Variants in KIRREL2 observed in about 807,000 individuals in gnomAD.
KIRREL2 encodes kirre like nephrin family adhesion molecule 2, also known as kin of IRRE-like protein 2.
In KIRREL2, 56 loss-of-function variants were observed where a neutral mutation model predicts 73.4. The ratio of observed to expected loss-of-function variants is 0.76; its 90% CI spans 0.62 to 0.95. KIRREL2 has a LOEUF of 0.95. KIRREL2 is among the 40% of genes least tolerant of loss of function. The pLI is 0.00. For synonymous variants in KIRREL2, 407 were observed against 404.0 expected (o/e 1.01, Z -0.09); for missense variants, 896 against 935.0 (o/e 0.96, Z 0.54).
chr19:35,855,706 C>CACACACACACAT (rs1491182830), upstream of KIRREL2, among the ~76,000 whole-genome samples: 139 of 90,582 alleles, frequency 1.5e-3, 6 homozygotes, highest in East Asian at 0.01. Flanking sequence ...CACACACACA[C>CACACACACACAT]ATACACACAG....
upstream of KIRREL2, among the ~76,000 whole-genome samples, chr19:35,853,794 T>A (rs960833586): frequency 6.7e-6 from 1 of 150,254 alleles, no homozygotes; most frequent in Admixed American, 6.6e-5. Context: ...TGCCTCAGCC[T>A]CCTGAGTAGC....
chr19:35,851,820 C>A (rs370650840), upstream of KIRREL2: 2 of 1,552,254 alleles, frequency 1.3e-6, no homozygotes, highest in Non-Finnish European at 8.7e-7. Flanking sequence ...AAGCCCTGAG[C>A]GTCGTCCCCA....
At chr19:35,858,378 G>C (rs1481537955) in intron 2 of KIRREL2, 30 bp from the exon 3 acceptor site, 3 of 1,604,256 alleles carry the variant, frequency 1.9e-6, no homozygotes, top group Non-Finnish European at 1.7e-6. Flanking sequence ...CAGAACCATG[G>C]TGTGCTGACT....
chr19:35,859,870 C>T (rs539717291), intron 5 of KIRREL2, among the ~76,000 whole-genome samples: 2 of 152,286 alleles, frequency 1.3e-5, no homozygotes, highest in Admixed American at 6.5e-5. Flanking sequence ...CATGTCGAAA[C>T]CCCGTCTCTA....
rs760754937 is a variant in KIRREL2, at chr19:35,861,112, C to G, written c.1057-10C>G. 6 of 1,607,220 alleles carry G rather than the reference C, an allele frequency of 3.7e-6. No individual in the cohort carries two copies. In the South Asian group the frequency reaches 6.6e-5, roughly 18 times the overall value. ...CAAATCCGGCTTCTGACGCCCCTTCCCTGTCGCAGGTGCTGGGCTCTGGAG... is the reference window on the plus strand; with the variant it reads ...CAAATCCGGCTTCTGACGCCCCTTCGCTGTCGCAGGTGCTGGGCTCTGGAG... On this transcript the variant is annotated splice_polypyrimidine_tract_variant and intron_variant, in intron 8 of 14. Transcript: ENST00000360202.
chr19:35,866,114 C>T, intron 14 of KIRREL2, 43 bp from the exon 15 acceptor site: 1 of 1,576,892 alleles, frequency 6.3e-7, no homozygotes, highest in Non-Finnish European at 8.6e-7. Flanking sequence ...CTCATCCCCC[C>T]TGCACGCTCA....
intron 14 of KIRREL2, 94 bp downstream of exon 14, chr19:35,864,807 C>T (rs1474486333): frequency 3.4e-5 from 33 of 956,990 alleles, no homozygotes; most frequent in Non-Finnish European, 5.0e-5. Flanking sequence ...CTGTCCCCTC[C>T]TTTTTCCTTC....
intron 3 of KIRREL2, 33 bp downstream of exon 3, chr19:35,858,590 C>T: frequency 6.2e-7 from 1 of 1,612,756 alleles, no homozygotes; most frequent in Non-Finnish European, 8.5e-7. Flanking sequence ...CCCTGGGAGC[C>T]CAAGAGGGCA....
chr19:35,852,170 C>T (rs1012113618), upstream of KIRREL2, among the ~76,000 whole-genome samples: 14 of 150,262 alleles, frequency 9.3e-5, no homozygotes, highest in African/African-American at 3.4e-4. Flanking sequence ...TTCAAGCCAT[C>T]CTCCCACCTT....
At chr19:35,858,955 A>T in intron 4 of KIRREL2, 91 bp downstream of exon 4, 1 of 1,394,216 alleles carries the variant, frequency 7.2e-7, no homozygotes, top group East Asian at 2.3e-5. Context: ...AGAAGAAGAC[A>T]TGGGAGGGCA....
intron 14 of KIRREL2, 44 bp from the exon 15 acceptor site, chr19:35,866,113 C>A (rs779553855): frequency 1.3e-6 from 2 of 1,575,058 alleles, no homozygotes; most frequent in Non-Finnish European, 1.7e-6. Flanking sequence ...CCTCATCCCC[C>A]CTGCACGCTC....
chr19:35,863,522 G>A (rs760348533), intron 13 of KIRREL2, among the ~76,000 whole-genome samples: 27 of 149,932 alleles, frequency 1.8e-4, no homozygotes, highest in Non-Finnish European at 1.6e-4. Context: ...CTGCGATCTC[G>A]GCTCACTGCA....
At chr19:35,860,858 C>T in intron 7 of KIRREL2, 51 bp from the exon 8 acceptor site, 1 of 1,610,912 alleles carries the variant, frequency 6.2e-7, no homozygotes, top group African/African-American at 1.3e-5. Flanking sequence ...GATCCCAGGT[C>T]AGTGGCTGCA....
chr19:35,851,581 C>G (rs760073893), upstream of KIRREL2: 5 of 1,614,018 alleles, frequency 3.1e-6, no homozygotes, highest in East Asian at 1.1e-4. Context: ...CACAACGCAG[C>G]TCCACTGAGG....
intron 13 of KIRREL2, 105 bp from the exon 14 acceptor site, chr19:35,864,543 C>T (rs779019234): frequency 3.7e-4 from 312 of 851,098 alleles, no homozygotes; most frequent in Admixed American, 1.5e-3. Flanking sequence ...GGTGCTCTTA[C>T]TCCCTCCTGC....
At chr19:35,860,463 T>C in intron 6 of KIRREL2, 56 bp from the exon 7 acceptor site, 2 of 1,604,150 alleles carry the variant, frequency 1.2e-6, no homozygotes, top group Non-Finnish European at 1.7e-6. Context: ...GGCTGGGACC[T>C]GAGTAGGTGT....
At chr19:35,852,934 A>G (rs1319729500), upstream of KIRREL2, among the ~76,000 whole-genome samples, 1 of 152,062 alleles carries the variant, frequency 6.6e-6, no homozygotes. Flanking sequence ...AGCTGGTGCT[A>G]CAGGTATATA....
intron 13 of KIRREL2, among the ~76,000 whole-genome samples, chr19:35,863,604 C>G (rs1447860842): frequency 6.6e-6 from 1 of 151,884 alleles, no homozygotes; most frequent in Non-Finnish European, 1.5e-5. Flanking sequence ...AGGCGCCCAC[C>G]ACCACGCCTG....
chr19:35,865,004 GC>G (rs1480084178), intron 14 of KIRREL2, among the ~76,000 whole-genome samples: 2 of 151,828 alleles, frequency 1.3e-5, no homozygotes, highest in Non-Finnish European at 2.9e-5. Flanking sequence ...TCACGGTCAA[GC>G]CCCCTTTCAG....
Sources: gnomAD v4.1 joint callset for allele counts (sites outside exome capture counted in the v4.1 genomes callset) on GRCh38, gnomAD v4.1.1 for gene constraint, MANE v1.5 for transcripts, NCBI Gene and HGNC (gene_info 2026-07-23, HGNC 2026-07-21) for gene names.